The following DLGAP2 variants were observed in gnomAD, a reference collection of about 807,000 sequenced individuals.
DLGAP2 encodes DLG associated protein 2.
DLGAP2 carries 26 observed loss-of-function variants against 100.3 expected under a neutral mutation model. The ratio of observed to expected loss-of-function variants is 0.26; its 90% confidence interval spans 0.19 to 0.36. DLGAP2 has a LOEUF of 0.36. Ranked by LOEUF, DLGAP2 falls within the 10% of genes least tolerant of loss-of-function variation. The pLI, the probability that DLGAP2 is intolerant of heterozygous loss-of-function variation, is 1.00. For missense variants in DLGAP2, 1,858 were observed against 1,453.2 expected, an observed-to-expected ratio of 1.28 and a Z score of -4.53; for synonymous variants, 886 against 630.1, an observed-to-expected ratio of 1.41 and a Z score of -6.08.
intron 4 of DLGAP2, among the ~76,000 whole-genome samples, chr8:1,522,164 G>A (rs1013726459): frequency 1.3e-5 from 2 of 152,164 alleles, no homozygotes; most frequent in Non-Finnish European, 2.9e-5. Context: ...TGGTTTCCAC[G>A]CTTGGCATCT....
chr8:1,391,406 T>C (rs758162937), intron 3 of DLGAP2, among the ~76,000 whole-genome samples: 16 of 152,134 alleles, frequency 1.1e-4, no homozygotes, highest in Non-Finnish European at 1.8e-4. Flanking sequence ...ACGCGGCTTA[T>C]CCAGGGACAC....
intron 2 of DLGAP2, among the ~76,000 whole-genome samples, chr8:962,024 G>T (rs1285088530): frequency 1.3e-5 from 2 of 152,204 alleles, no homozygotes; most frequent in Non-Finnish European, 2.9e-5. Flanking sequence ...GGCTATAGTA[G>T]TTAGAATGAA....
At chr8:1,383,762 A>G (rs1034395072) in intron 3 of DLGAP2, among the ~76,000 whole-genome samples, 3 of 152,212 alleles carry the variant, frequency 2.0e-5, no homozygotes, top group African/African-American at 7.2e-5. Context: ...TTAACTTGAC[A>G]TTAACAAGAA....
chr8:911,793 A>G (rs556486743), intron 2 of DLGAP2, among the ~76,000 whole-genome samples: 1 of 152,224 alleles, frequency 6.6e-6, no homozygotes, highest in South Asian at 2.1e-4. Context: ...ATATGTGTAT[A>G]ATGTATGTTG....
intron 1 of DLGAP2, among the ~76,000 whole-genome samples, chr8:836,393 T>C (rs1395894751): frequency 1.3e-5 from 2 of 152,174 alleles, no homozygotes; most frequent in Non-Finnish European, 2.9e-5. Flanking sequence ...CGCTGGGCCT[T>C]GTCCGGGAAG....
chr8:1,386,822 C>T (rs1796231431), intron 3 of DLGAP2, among the ~76,000 whole-genome samples: 1 of 151,772 alleles, frequency 6.6e-6, no homozygotes, highest in African/African-American at 2.4e-5. Flanking sequence ...ATGGGTTTTA[C>T]CATATTGATG....
chr8:1,295,776 C>G (rs1435285816), intron 3 of DLGAP2, among the ~76,000 whole-genome samples: 1 of 152,220 alleles, frequency 6.6e-6, no homozygotes, highest in Non-Finnish European at 1.5e-5. Context: ...GTGTCCCAGC[C>G]ATCGTCCCCT....
chr8:1,140,814 A>C (rs1796508378), intron 2 of DLGAP2, among the ~76,000 whole-genome samples: 1 of 152,114 alleles, frequency 6.6e-6, no homozygotes, highest in South Asian at 2.1e-4. Context: ...CTCTACTAAA[A>C]ATACAAAAAT....
chr8:1,327,366 C>T (rs986028520), intron 3 of DLGAP2, among the ~76,000 whole-genome samples: 1 of 152,216 alleles, frequency 6.6e-6, no homozygotes, highest in African/African-American at 2.4e-5. Context: ...TCATTAGTCT[C>T]TGTAGAGTAT....
At chr8:1,491,383 T>TCCCCCTGACCCCGTAGGCTTCGGGCC (rs1563180305) in intron 3 of DLGAP2, among the ~76,000 whole-genome samples, 1 of 149,114 alleles carries the variant, frequency 6.7e-6, no homozygotes, top group African/African-American at 2.5e-5. Flanking sequence ...GGCTTCGGGC[T>TCCCCCTGACCCCGTAGGCTTCGGGCC]GCTCCCCCTG....
chr8:1,316,457 C>A (rs201677594), intron 3 of DLGAP2, among the ~76,000 whole-genome samples: 3 of 99,164 alleles, frequency 3.0e-5, no homozygotes, highest in Admixed American at 1.1e-4. Flanking sequence ...TCGAGAAACT[C>A]GGCAGCTTTT....
At chr8:1,135,952 T>G (rs1196219168) in intron 2 of DLGAP2, among the ~76,000 whole-genome samples, 3 of 152,248 alleles carry the variant, frequency 2.0e-5, no homozygotes, top group Non-Finnish European at 4.4e-5. Context: ...CTTTACAGTT[T>G]ACCTCTTGGC....
intron 7 of DLGAP2, among the ~76,000 whole-genome samples, chr8:1,632,432 A>G (rs1338472935): frequency 6.6e-6 from 1 of 152,204 alleles, no homozygotes; most frequent in African/African-American, 2.4e-5. Flanking sequence ...TCGTGCCATT[A>G]GTAGCTTGGA....
At chr8:849,117 CTGTTCTGGTA>C in intron 1 of DLGAP2, among the ~76,000 whole-genome samples, 1 of 150,630 alleles carries the variant, frequency 6.6e-6, no homozygotes, top group East Asian at 2.0e-4. Context: ...TGTGCAGTGT[CTGTTCTGGTA>C]TAGGATCATG....
At chr8:780,270 C>T (rs1178661298) in intron 1 of DLGAP2, among the ~76,000 whole-genome samples, 4 of 152,190 alleles carry the variant, frequency 2.6e-5, no homozygotes, top group Non-Finnish European at 4.4e-5. Context: ...TGGCTTTTTT[C>T]ACTCAGCATA....
At chr8:1,460,811 T>G (rs1335064745) in intron 3 of DLGAP2, among the ~76,000 whole-genome samples, 2 of 152,208 alleles carry the variant, frequency 1.3e-5, no homozygotes. Context: ...GGGTAAAGAC[T>G]GCAATATACA....
At chr8:1,040,225 C>T (rs1320186518) in intron 2 of DLGAP2, among the ~76,000 whole-genome samples, 18 of 147,390 alleles carry the variant, frequency 1.2e-4, no homozygotes, top group South Asian at 2.2e-4. Context: ...TGTGCATGGT[C>T]GGCTCGGTTT....
At chr8:1,290,304 G>A (rs760785858) in intron 3 of DLGAP2, among the ~76,000 whole-genome samples, 3 of 152,106 alleles carry the variant, frequency 2.0e-5, no homozygotes, top group Admixed American at 6.5e-5. Context: ...CAATTCCATC[G>A]AGTTGTCATT....
rs572453082 is a variant in DLGAP2 at position 1,559,597 on chromosome 8, T to G, written c.1231-6086T>G. ...ATACAAGCTGGTCTCATTTGTTAGT[T>G]AATTTGCAGGCTGCTGAAGAAAAAA... On this transcript the variant is annotated intron_variant, in intron 5 of 14. Transcript: ENST00000637795. 7.2e-5 allele frequency among the ~76,000 whole-genome samples: 11 copies of G among 152,354 alleles called. No individual in the cohort carries two copies. In the South Asian group the frequency reaches 2.3e-3, roughly 32 times the overall value.
Sources: gnomAD v4.1 joint callset for allele counts (sites outside exome capture counted in the v4.1 genomes callset) on GRCh38, gnomAD v4.1.1 for gene constraint, MANE v1.5 for transcripts, NCBI Gene and HGNC (gene_info 2026-07-23, HGNC 2026-07-21) for gene names.